Variants in PCSK5 observed in about 807,000 individuals in gnomAD.
PCSK5 encodes prohormone convertase 5.
Under a neutral mutation model 233.2 loss-of-function variants are expected in PCSK5, and 129 were observed. The ratio of observed to expected loss-of-function variants is 0.55; its 90% CI spans 0.48 to 0.64. PCSK5 has a LOEUF of 0.64. Among genes scored for constraint, PCSK5 ranks in the 30% least tolerant of loss-of-function variants. PCSK5 has a pLI of 0.00. For synonymous variants in PCSK5, 825 were observed against 879.2 expected (o/e 0.94, Z 1.09); for missense variants, 2,076 against 2,430.1 (o/e 0.85, Z 3.06).
intron 2 of PCSK5, among the ~76,000 whole-genome samples, chr9:75,978,648 C>T (rs1587450498): frequency 1.3e-5 from 2 of 152,230 alleles, no homozygotes; most frequent in South Asian, 4.1e-4. Context: ...TTAATAGCTC[C>T]AGAAAGAATT....
intron 8 of PCSK5, among the ~76,000 whole-genome samples, chr9:76,100,762 C>T (rs747800126): frequency 3.3e-5 from 5 of 152,038 alleles, no homozygotes; most frequent in Non-Finnish European, 7.4e-5. Flanking sequence ...AATTTCATTC[C>T]TTTACCCTTT....
At chr9:76,064,517 C>A (rs560571311) in intron 5 of PCSK5, among the ~76,000 whole-genome samples, 2 of 150,186 alleles carry the variant, frequency 1.3e-5, no homozygotes, top group Non-Finnish European at 3.0e-5. Context: ...CTGAACCCCC[C>A]CAACCTCCCT....
At chr9:76,124,513 G>A (rs1385219314) in intron 9 of PCSK5, among the ~76,000 whole-genome samples, 5 of 127,822 alleles carry the variant, frequency 3.9e-5, no homozygotes, top group Admixed American at 8.4e-5. Flanking sequence ...TTGGGAGACC[G>A]AGGCAGGCAG....
At chr9:76,326,346 A>G (rs1016231697) in intron 32 of PCSK5, among the ~76,000 whole-genome samples, 1 of 152,150 alleles carries the variant, frequency 6.6e-6, no homozygotes, top group African/African-American at 2.4e-5. Context: ...TGATCACACC[A>G]CTGCACTCTA....
intron 1 of PCSK5, among the ~76,000 whole-genome samples, chr9:75,921,936 A>C (rs1823276198): frequency 6.6e-6 from 1 of 152,208 alleles, no homozygotes; most frequent in Admixed American, 6.5e-5. Context: ...AATTTATTTG[A>C]GTACTCTTGG....
chr9:76,171,932 T>TG lies in PCSK5; in HGVS notation c.1756+2099dup, dbSNP rs139597635. ...GGACTTTGAGTGTCCTGTTTATGGG[T>TG]GGGGGGGTGTGTGTGTGTATGTGCA... On this transcript the variant is annotated intron_variant, in intron 13 of 37. Coordinates refer to ENST00000674117, the MANE Select transcript of PCSK5 (RefSeq NM_001372043.1). 2.7e-3 allele frequency among the ~76,000 whole-genome samples: 405 copies of TG among 151,944 alleles called. 3 individuals are homozygous for TG. The highest frequency in any genetic ancestry group is 9.3e-3 in the African/African-American group (387 of 41,464).
intron 2 of PCSK5, among the ~76,000 whole-genome samples, chr9:75,967,848 G>A (rs751731685): frequency 1.3e-5 from 2 of 151,074 alleles, no homozygotes; most frequent in Non-Finnish European, 2.9e-5. Flanking sequence ...CACAACCTCC[G>A]CCTCCCCAGG....
intron 8 of PCSK5, among the ~76,000 whole-genome samples, chr9:76,098,108 A>G (rs959063534): frequency 6.6e-6 from 1 of 152,098 alleles, no homozygotes; most frequent in African/African-American, 2.4e-5. Context: ...CCTGGTTATT[A>G]TATGATTTTT....
chr9:76,076,225 G>A (rs1454371890), intron 7 of PCSK5, among the ~76,000 whole-genome samples: 2 of 152,102 alleles, frequency 1.3e-5, no homozygotes, highest in Non-Finnish European at 2.9e-5. Context: ...AGGTGCTGGG[G>A]GCAAGGTGGA....
At chr9:76,318,804 A>G (rs981028962) in intron 30 of PCSK5, among the ~76,000 whole-genome samples, 1 of 152,200 alleles carries the variant, frequency 6.6e-6, no homozygotes, top group Admixed American at 6.5e-5. Context: ...TCTTTTGGAA[A>G]TTTTTATTGT....
At chr9:76,218,907 G>A (rs1425438180) in intron 20 of PCSK5, among the ~76,000 whole-genome samples, 2 of 152,072 alleles carry the variant, frequency 1.3e-5, no homozygotes, top group African/African-American at 4.8e-5. Flanking sequence ...GCACAATTTG[G>A]TCACTCCCAA....
intron 30 of PCSK5, among the ~76,000 whole-genome samples, chr9:76,314,542 T>C (rs1587314916): frequency 6.6e-6 from 1 of 152,160 alleles, no homozygotes; most frequent in Non-Finnish European, 1.5e-5. Context: ...GAACATAACC[T>C]GCAATGACAC....
At chr9:76,309,247 G>A (rs1175596433) in intron 29 of PCSK5, among the ~76,000 whole-genome samples, 2 of 152,030 alleles carry the variant, frequency 1.3e-5, no homozygotes, top group Non-Finnish European at 2.9e-5. Context: ...TAATCTAAAG[G>A]CATGATGAAG....
chr9:76,060,522 C>T (rs2131579050), intron 5 of PCSK5, among the ~76,000 whole-genome samples: 1 of 152,118 alleles, frequency 6.6e-6, no homozygotes, highest in East Asian at 1.9e-4. Flanking sequence ...GGAAGAAAAT[C>T]CATATATAAG....
chr9:75,893,798 T>C (rs1354821823), intron 1 of PCSK5, among the ~76,000 whole-genome samples: 1 of 152,234 alleles, frequency 6.6e-6, no homozygotes. Flanking sequence ...TTAGTGCTTA[T>C]AGAGGTTACA....
intron 10 of PCSK5, among the ~76,000 whole-genome samples, chr9:76,151,320 T>C (rs1389040733): frequency 6.6e-6 from 1 of 152,176 alleles, no homozygotes; most frequent in Non-Finnish European, 1.5e-5. Flanking sequence ...AGAAGGGAAT[T>C]TGGGTAACTA....
intron 2 of PCSK5, among the ~76,000 whole-genome samples, chr9:75,937,340 G>A (rs572948064): frequency 6.6e-6 from 1 of 152,108 alleles, no homozygotes; most frequent in Admixed American, 6.5e-5. Context: ...CACTATGCCT[G>A]GCTAATTTTT....
intron 2 of PCSK5, among the ~76,000 whole-genome samples, chr9:75,951,183 A>C (rs1824839545): frequency 6.6e-6 from 1 of 152,232 alleles, no homozygotes; most frequent in African/African-American, 2.4e-5. Flanking sequence ...ATGTAGACCT[A>C]AATGAAGATA....
intron 15 of PCSK5, among the ~76,000 whole-genome samples, chr9:76,180,498 TCTGAGCCCCTGGTGTCTG>T (rs1202918715): frequency 6.6e-5 from 10 of 152,096 alleles, no homozygotes; most frequent in Non-Finnish European, 1.3e-4. Context: ...ACCCTGTGCC[TCTGAGCCCCTGGTGTCTG>T]CTTGAGCTGT....
Sources: allele counts gnomAD v4.1 joint callset (sites outside exome capture counted in the v4.1 genomes callset), GRCh38; gene constraint gnomAD v4.1.1; transcripts MANE v1.5; gene names NCBI Gene and HGNC (gene_info 2026-07-23, HGNC 2026-07-21).